The following DNAH14 variants were observed in gnomAD, a reference collection of about 807,000 sequenced individuals.
DNAH14 encodes the protein axonemal beta dynein heavy chain 14.
DNAH14 carries 478 observed loss-of-function variants against 520.9 expected under a neutral mutation model. That is an observed-to-expected ratio of 0.92 (90% CI 0.85 to 0.99). The LOEUF (loss-of-function observed/expected upper bound fraction) is 0.99, where lower values mean the gene tolerates loss of function less well. DNAH14 is among the 50% of genes least tolerant of loss of function. The probability of loss-of-function intolerance (pLI) is 0.00; values close to 1 mark genes in which losing one functional copy is unlikely to be tolerated. For missense variants in DNAH14, 4,831 were observed against 5,234.5 expected, an observed-to-expected ratio of 0.92 and a Z score of 2.38; for synonymous variants, 1,581 against 1,757.2, an observed-to-expected ratio of 0.90 and a Z score of 2.51.
At chr1:225,210,103 G>A (rs2088166070) in intron 41 of DNAH14, among the ~76,000 whole-genome samples, 1 of 149,820 alleles carries the variant, frequency 6.7e-6, no homozygotes, top group Non-Finnish European at 1.5e-5. Flanking sequence ...CTAGCTGCAG[G>A]AGTTTTTCTT....
At chr1:225,218,356 A>G (rs2089652168) in intron 41 of DNAH14, among the ~76,000 whole-genome samples, 1 of 152,150 alleles carries the variant, frequency 6.6e-6, no homozygotes, top group African/African-American at 2.4e-5. Flanking sequence ...AAAGACACAG[A>G]CTGGCTCATT....
chr1:225,127,788 A>C (rs994262734), intron 27 of DNAH14, among the ~76,000 whole-genome samples: 3 of 152,108 alleles, frequency 2.0e-5, no homozygotes, highest in Non-Finnish European at 4.4e-5. Flanking sequence ...TAGTTGATGC[A>C]GTTTCTTCCT....
chr1:225,131,846 C>G (rs2078455415), intron 27 of DNAH14, among the ~76,000 whole-genome samples: 1 of 152,072 alleles, frequency 6.6e-6, no homozygotes, highest in African/African-American at 2.4e-5. Flanking sequence ...GATAAAATTT[C>G]CCCTAACAGC....
At chr1:225,293,422 A>G (rs2093936257) in intron 55 of DNAH14, among the ~76,000 whole-genome samples, 1 of 152,178 alleles carries the variant, frequency 6.6e-6, no homozygotes, top group African/African-American at 2.4e-5. Context: ...AAATCAACCT[A>G]AATGTTCATC....
At chr1:225,322,862 C>T (rs67676118) in intron 62 of DNAH14, 39 bp downstream of exon 62, 124,729 of 1,501,862 alleles carry the variant, frequency 0.083, 6,717 homozygotes, top group East Asian at 0.27. Flanking sequence ...CTCATATTTA[C>T]AGTCTGTGGG....
chr1:225,272,532 A>G (rs2093342404), intron 51 of DNAH14, among the ~76,000 whole-genome samples: 1 of 152,206 alleles, frequency 6.6e-6, no homozygotes, highest in Admixed American at 6.5e-5. Flanking sequence ...TTCTCCCCTA[A>G]CTGTGGGACT....
intron 12 of DNAH14, among the ~76,000 whole-genome samples, chr1:225,040,125 G>A (rs1468104976): frequency 6.6e-6 from 1 of 151,682 alleles, no homozygotes; most frequent in Admixed American, 6.6e-5. Context: ...ATTTTTAGTA[G>A]AGACGGGGTT....
At chr1:225,171,316 T>A (rs2082625448) in intron 36 of DNAH14, among the ~76,000 whole-genome samples, 1 of 151,974 alleles carries the variant, frequency 6.6e-6, no homozygotes, top group Non-Finnish European at 1.5e-5. Flanking sequence ...CTTCAAAAAA[T>A]CAGTGAATCC....
At chr1:225,271,329 T>C (rs1034357223) in intron 50 of DNAH14, among the ~76,000 whole-genome samples, 1 of 152,176 alleles carries the variant, frequency 6.6e-6, no homozygotes, top group African/African-American at 2.4e-5. Flanking sequence ...ACCAACTGTA[T>C]CAGAATTACC....
chr1:225,264,799 G>C (rs1245620803), intron 47 of DNAH14, among the ~76,000 whole-genome samples: 1 of 152,104 alleles, frequency 6.6e-6, no homozygotes, highest in Non-Finnish European at 1.5e-5. Flanking sequence ...TGCCAGAAGA[G>C]GTTTTGGTTT....
chr1:225,063,749 C>T (rs767991817), intron 17 of DNAH14, among the ~76,000 whole-genome samples: 6 of 151,748 alleles, frequency 4.0e-5, no homozygotes, highest in Non-Finnish European at 7.4e-5. Flanking sequence ...GAAATAGTTT[C>T]CAGATTTGAT....
At chr1:225,124,217 C>T (rs2077514589) in intron 27 of DNAH14, among the ~76,000 whole-genome samples, 1 of 152,080 alleles carries the variant, frequency 6.6e-6, no homozygotes, top group Non-Finnish European at 1.5e-5. Context: ...GGTTGCTGAC[C>T]GATCAGGGTG....
chr1:225,015,339 G>A (rs186304087), intron 10 of DNAH14, among the ~76,000 whole-genome samples: 2 of 152,184 alleles, frequency 1.3e-5, no homozygotes, highest in East Asian at 3.9e-4. Flanking sequence ...ATTTTAGATT[G>A]TTTTCTGGTT....
At chr1:225,064,705 TGACAA>T (rs1259886689) in intron 17 of DNAH14, among the ~76,000 whole-genome samples, 3 of 151,972 alleles carry the variant, frequency 2.0e-5, no homozygotes, top group Non-Finnish European at 2.9e-5. Flanking sequence ...ATATGAAACT[TGACAA>T]GACAAATTTA....
At chr1:225,138,858 C>A (rs78868962) in intron 27 of DNAH14, among the ~76,000 whole-genome samples, 12,437 of 151,992 alleles carry the variant, frequency 0.082, 1,646 homozygotes, top group African/African-American at 0.28. Context: ...ATTCCCGATG[C>A]GAGAACCTGG....
chr1:225,263,188 C>T (rs151310595), intron 46 of DNAH14, among the ~76,000 whole-genome samples: 6 of 149,618 alleles, frequency 4.0e-5, no homozygotes, highest in East Asian at 1.9e-4. Flanking sequence ...TCCTACTATG[C>T]GAGATATATA....
At chr1:225,393,175 A>G (rs947036) in intron 84 of DNAH14, among the ~76,000 whole-genome samples, 77,351 of 152,114 alleles carry the variant, frequency 0.51, 22,066 homozygotes, top group East Asian at 0.74. Context: ...AGTCAGAGAA[A>G]TGCAAATCAA....
chr1:225,140,860 T>C lies in DNAH14; in HGVS notation c.4347T>C (p.Cys1449=). The C allele has an allele frequency of 6.4e-7, 1 of 1,551,300 alleles. No individual in the cohort carries two copies. Among genetic ancestry groups the C allele is most frequent in the East Asian group, 2.4e-5 (1 of 40,890 alleles). ...AAAAAGTCCACGCTGGTCTGATGTG[T>C]CATCTAGAAGAGGTTGCAGACCTGG... ...KLEKVHAGLM[C]HLEEVADLVV... Residue 1449 remains cysteine, a synonymous_variant, in exon 28 of 86, where the codon TGT becomes TGC. Transcript: ENST00000682510.
rs1319715413 is a variant in DNAH14, at chr1:225,274,195, TTA to T, written c.8010+1072_8010+1073del. Among the ~76,000 whole-genome samples, 28 of 125,822 alleles carry T rather than the reference TTA, an allele frequency of 2.2e-4. 5 individuals carry two copies. The highest frequency in any genetic ancestry group is 8.4e-4 in the East Asian group (3 of 3,578). The allele number at this position is 125,822 out of a possible 152,430, so 82.5% of individuals were successfully genotyped here. A position where few individuals can be genotyped will look rare whatever the true frequency, so the allele number is the denominator to read the frequency against. On this transcript the variant is annotated intron_variant, in intron 52 of 85. Transcript: ENST00000682510. ...TTCTCTGCATCCTCACCAGCATCTGTTATTTTTTTTTTTTTTTTTTTTTTTTT... is the reference window on the plus strand; with the variant it reads ...TTCTCTGCATCCTCACCAGCATCTGTTTTTTTTTTTTTTTTTTTTTTTTTT...
Sources: allele counts gnomAD v4.1 joint callset (sites outside exome capture counted in the v4.1 genomes callset), GRCh38; gene constraint gnomAD v4.1.1; transcripts MANE v1.5; gene names NCBI Gene and HGNC (gene_info 2026-07-23, HGNC 2026-07-21).